Variants in OOSP1 observed in about 807,000 individuals in gnomAD.
OOSP1 encodes putative oocyte-secreted protein 1 homolog.
Under a neutral mutation model 5.7 loss-of-function variants are expected in OOSP1, and 11 were observed. The ratio of observed to expected loss-of-function variants is 1.94; its 90% CI spans 1.22 to 3.20. OOSP1 has a LOEUF of 3.20. Among genes scored for constraint, OOSP1 ranks in the 30% most tolerant of loss-of-function variants. The pLI, the probability that OOSP1 is intolerant of heterozygous loss-of-function variation, is 0.00. For missense variants in OOSP1, 83 were observed against 54.1 expected (o/e 1.53, Z -1.67); for synonymous variants, 44 against 20.0 (o/e 2.20, Z -3.20).
chr11:59,956,346 C>G (rs1244856814), intron 4 of OOSP1, among the ~76,000 whole-genome samples: 1 of 152,078 alleles, frequency 6.6e-6, no homozygotes, highest in Non-Finnish European at 1.5e-5. Flanking sequence ...ACGTGAGTGG[C>G]AGGGCTGCCA....
At chr11:59,948,560 TCTC>T (rs2134570368) in intron 4 of OOSP1, 1 of 390,226 alleles carries the variant, frequency 2.6e-6, no homozygotes, top group East Asian at 3.6e-5. Context: ...CTTTCTTTCT[TCTC>T]CTCCCTTACC....
intron 4 of OOSP1, among the ~76,000 whole-genome samples, chr11:59,955,122 C>A (rs1853981910): frequency 6.6e-6 from 1 of 151,940 alleles, no homozygotes; most frequent in South Asian, 2.1e-4. Flanking sequence ...CAAAAAAACA[C>A]ATTATGGTTT....
intron 1 of OOSP1, among the ~76,000 whole-genome samples, 155 bp downstream of exon 1, chr11:59,938,685 A>G (rs1853796096): frequency 6.6e-6 from 1 of 152,168 alleles, no homozygotes; most frequent in South Asian, 2.1e-4. Context: ...TTGAGATACC[A>G]TGTTTTTCTC....
intron 4 of OOSP1, among the ~76,000 whole-genome samples, chr11:59,955,621 ATT>A (rs111996738): frequency 6.2e-5 from 9 of 146,202 alleles, no homozygotes; most frequent in African/African-American, 2.2e-4. Flanking sequence ...TAGATCATCT[ATT>A]TTTTTTTTTT....
At chr11:59,942,985 A>G (rs1194750522) in exon 2 of OOSP1, 1 of 702,994 alleles carries the variant, frequency 1.4e-6, no homozygotes, top group Non-Finnish European at 2.6e-6. Context: ...AATGTCTACT[A>G]TGAGTTTTTC....
chr11:59,950,625 G>A (rs1364418825), intron 4 of OOSP1, among the ~76,000 whole-genome samples: 1 of 152,118 alleles, frequency 6.6e-6, no homozygotes, highest in Non-Finnish European at 1.5e-5. Flanking sequence ...AGTTAAGTGG[G>A]ATGAGAACTA....
At chr11:59,952,732 C>T (rs1180332798) in intron 4 of OOSP1, among the ~76,000 whole-genome samples, 1 of 152,000 alleles carries the variant, frequency 6.6e-6, no homozygotes, top group African/African-American at 2.4e-5. Flanking sequence ...CAGAATTCAC[C>T]ACTATCTAAT....
chr11:59,950,672 T>C (rs1218930853), intron 4 of OOSP1, among the ~76,000 whole-genome samples: 1 of 152,114 alleles, frequency 6.6e-6, no homozygotes, highest in African/African-American at 2.4e-5. Context: ...TGAGGGGCAT[T>C]GATGACTTTG....
intron 2 of OOSP1, 68 bp downstream of exon 2, chr11:59,943,096 T>C (rs970566362): frequency 5.2e-5 from 35 of 668,300 alleles, no homozygotes; most frequent in South Asian, 3.2e-5. Context: ...CCTGTGTCCA[T>C]GTGTTCTCAT....
chr11:59,940,739 C>T (rs1362752543), intron 1 of OOSP1, among the ~76,000 whole-genome samples: 1 of 152,148 alleles, frequency 6.6e-6, no homozygotes, highest in African/African-American at 2.4e-5. Flanking sequence ...TGAAAAGTAA[C>T]TCTCTTGCTC....
chr11:59,946,099 C>T (rs547694369), intron 3 of OOSP1, among the ~76,000 whole-genome samples: 15 of 152,258 alleles, frequency 9.9e-5, no homozygotes, highest in African/African-American at 3.4e-4. Flanking sequence ...TGTCAGGAAC[C>T]TGGCAGCACA....
chr11:59,950,263 CT>C (rs1853925224), intron 4 of OOSP1, among the ~76,000 whole-genome samples: 1 of 152,158 alleles, frequency 6.6e-6, no homozygotes, highest in South Asian at 2.1e-4. Context: ...GTTTAAGATG[CT>C]GCTTAGATCT....
At chr11:59,942,908 C>T in exon 2 of OOSP1, 1 of 702,920 alleles carries the variant, frequency 1.4e-6, no homozygotes, top group East Asian at 2.7e-5. Context: ...CGATATTTTA[C>T]AATTTGTATG....
At position 59,942,923 on chromosome 11, in the gene OOSP1, C is replaced by A. The variant is rs546998405; in HGVS notation, c.153C>A (p.Asn51Lys). The change falls in exon 2 of 5, where the codon AAC (asparagine) becomes AAA (lysine). Residue 51 changes from asparagine to lysine, a missense_variant. Coordinates refer to ENST00000646685, the Ensembl canonical transcript of OOSP1. ...CGATATTTTACAATTTGTATGTGAA[C>A]CCCGATGAAGTGTTTCTAGGAGATG... 83 of 702,926 alleles carry A rather than the reference C, an allele frequency of 1.2e-4. 1 individual carries two copies. In the East Asian group the frequency reaches 2.2e-3, roughly 19 times the overall value. The allele number at this position is 702,926 out of a possible 1,614,324, so 43.5% of individuals were successfully genotyped here.
rs998862811 is a variant in OOSP1 at position 59,938,553 on chromosome 11, T to C, written c.76+23T>C. 2.8e-5 allele frequency: 14 copies of C among 492,924 alleles called. 1 individual carries two copies. In the Middle Eastern group the frequency reaches 8.3e-4, roughly 29 times the overall value. 30.5% of individuals were successfully genotyped at this position (492,924 alleles called of 1,614,324 possible). On this transcript the variant is annotated intron_variant, in intron 1 of 4. Coordinates refer to ENST00000646685, the Ensembl canonical transcript of OOSP1. ...CAGGTATAACTTATCACTTGGGGAA[T>C]AGAAGTTTCTTAAAGAGAGCTGAAA...
chr11:59,956,782 C>T (rs571076647), intron 4 of OOSP1, among the ~76,000 whole-genome samples: 8 of 152,290 alleles, frequency 5.3e-5, no homozygotes, highest in African/African-American at 1.9e-4. Flanking sequence ...TCAGTTCCCA[C>T]ATATAAGTGA....
intron 1 of OOSP1, among the ~76,000 whole-genome samples, chr11:59,941,175 T>A (rs1027806862): frequency 4.6e-5 from 7 of 152,190 alleles, no homozygotes; most frequent in African/African-American, 1.7e-4. Context: ...TGTAACCTTT[T>A]GGAATTGGCG....
At chr11:59,945,674 C>A (rs916016690) in intron 3 of OOSP1, among the ~76,000 whole-genome samples, 6 of 147,088 alleles carry the variant, frequency 4.1e-5, no homozygotes, top group Admixed American at 6.9e-5. Context: ...TGGCGTGAAC[C>A]CAGGAGGCAG....
At chr11:59,947,823 G>A (rs1590892549) in exon 4 of OOSP1, 7 of 398,872 alleles carry the variant, frequency 1.8e-5, no homozygotes, top group East Asian at 7.1e-5. Context: ...TACACATTGC[G>A]AATGAAGACA....
Sources: gnomAD v4.1 joint callset for allele counts (sites outside exome capture counted in the v4.1 genomes callset) on GRCh38, gnomAD v4.1.1 for gene constraint, MANE v1.5 for transcripts, NCBI Gene and HGNC (gene_info 2026-07-23, HGNC 2026-07-21) for gene names.